SNTG2: variants seen among roughly 807,000 people sequenced by gnomAD.
The protein encoded by SNTG2 is gamma-2-syntrophin.
A neutral mutation model predicts 70.9 loss-of-function variants in SNTG2; 74 were observed. The observed-to-expected ratio is 1.04, with a 90% CI of 0.86 to 1.27. SNTG2 has a LOEUF of 1.27. Among genes scored for constraint, SNTG2 ranks in the 50% most tolerant of loss-of-function variants. The pLI, the probability that SNTG2 is intolerant of heterozygous loss-of-function variation, is 0.00. For synonymous variants in SNTG2, 278 were observed against 273.8 expected (o/e 1.02, Z -0.15); for missense variants, 717 against 690.7 (o/e 1.04, Z -0.43).
At chr2:1,155,647 G>A (rs889340153) in intron 6 of SNTG2, among the ~76,000 whole-genome samples, 1 of 152,180 alleles carries the variant, frequency 6.6e-6, no homozygotes, top group Non-Finnish European at 1.5e-5. Context: ...GAGAGAGACG[G>A]CCACCTGCAA....
chr2:1,112,923 G>A (rs1017520153), intron 4 of SNTG2, among the ~76,000 whole-genome samples: 1 of 151,578 alleles, frequency 6.6e-6, no homozygotes, highest in Admixed American at 6.6e-5. Flanking sequence ...GGAGGATCAT[G>A]TATACTAAGT....
At position 1,299,643 on chromosome 2, in the gene SNTG2, C is replaced by T. The variant is rs182091706; in HGVS notation, c.1285-8851C>T. ...GGGGCTAAGACTCCAGCATGACTTT[C>T]GGAGGGACACAAGTCATCCCTGTGA... On this transcript the variant is annotated intron_variant, in intron 14 of 16. Transcript: ENST00000308624. 4.6e-5 allele frequency among the ~76,000 whole-genome samples: 7 copies of T among 152,314 alleles called. No individual in the cohort carries two copies. In the East Asian group the frequency reaches 1.4e-3, roughly 29 times the overall value.
At chr2:971,543 C>T (rs987782599) in intron 1 of SNTG2, among the ~76,000 whole-genome samples, 1 of 151,352 alleles carries the variant, frequency 6.6e-6, no homozygotes, top group Non-Finnish European at 1.5e-5. Flanking sequence ...GATCTTTTCT[C>T]TTTTTTTAAA....
In SNTG2 at chr2:1,043,544, T is replaced by A. The variant is rs190605278; in HGVS notation, c.73-39974T>A. Reference sequence around the variant, plus strand: ...AAGTTTCTTCTAGGATTTTTATAGTTTTTTTTACATTTAAGTCTTTAATCC... The same window carrying A: ...AAGTTTCTTCTAGGATTTTTATAGTATTTTTTACATTTAAGTCTTTAATCC... On this transcript the variant is annotated intron_variant, in intron 1 of 16. Transcript: ENST00000308624. Among the ~76,000 whole-genome samples, 7 of 150,834 alleles carry A rather than the reference T, an allele frequency of 4.6e-5. No homozygotes were observed. The East Asian group carries it at 5.8e-4, about 12-fold the overall frequency.
intron 6 of SNTG2, among the ~76,000 whole-genome samples, chr2:1,138,274 A>G (rs1310296065): frequency 6.6e-6 from 1 of 152,216 alleles, no homozygotes; most frequent in African/African-American, 2.4e-5. Flanking sequence ...GGAGGACACC[A>G]GGTGAGACCT....
In SNTG2 at chr2:1,137,770, T is replaced by G. The variant is rs1668491490; in HGVS notation, c.372T>G (p.Val124=). 3.9e-5 allele frequency: 63 copies of G among 1,613,618 alleles called. No individual in the cohort carries two copies. The highest frequency in any genetic ancestry group is 5.3e-5 in the Non-Finnish European group (62 of 1,179,800). The change falls in exon 6 of 17, where the codon GTT becomes GTG. Residue 124 remains valine (V), a splice_region_variant and synonymous_variant. Transcript: ENST00000308624. ...MLFVGDAVLQ[V]NGIHVENATH... ...TTCTTACTTTGTCATCTGTTCAGGT[T>G]AATGGCATACATGTAGAAAATGCAA...
intron 6 of SNTG2, among the ~76,000 whole-genome samples, chr2:1,162,791 A>G (rs1670414172): frequency 6.6e-6 from 1 of 152,206 alleles, no homozygotes; most frequent in African/African-American, 2.4e-5. Context: ...GGGGGAGGAT[A>G]GAATCAGACA....
chr2:1,263,716 C>T (rs558261829), intron 13 of SNTG2, among the ~76,000 whole-genome samples: 68 of 152,238 alleles, frequency 4.5e-4, no homozygotes, highest in Non-Finnish European at 8.7e-4. Context: ...TATGAAAGCA[C>T]GTAGTGAACT....
At chr2:1,184,387 G>T (rs563550945) in intron 8 of SNTG2, among the ~76,000 whole-genome samples, 1 of 152,006 alleles carries the variant, frequency 6.6e-6, no homozygotes, top group Non-Finnish European at 1.5e-5. Context: ...CAACTAAAAC[G>T]TATAGATTTT....
chr2:1,032,569 GCC>G (rs1457339347), intron 1 of SNTG2, among the ~76,000 whole-genome samples: 1 of 152,178 alleles, frequency 6.6e-6, no homozygotes, highest in Non-Finnish European at 1.5e-5. Context: ...TATCCTTTAT[GCC>G]CAAGATGTCT....
At chr2:1,134,261 G>C (rs950440119) in intron 4 of SNTG2, among the ~76,000 whole-genome samples, 1 of 152,146 alleles carries the variant, frequency 6.6e-6, no homozygotes, top group African/African-American at 2.4e-5. Context: ...ACCCCAGCGG[G>C]TTGCCACTGG....
chr2:1,223,322 A>G (rs1230460641), intron 9 of SNTG2, among the ~76,000 whole-genome samples: 1 of 151,650 alleles, frequency 6.6e-6, no homozygotes, highest in Non-Finnish European at 1.5e-5. Flanking sequence ...ATCGCTGTAG[A>G]GGAAGGCGGC....
chr2:1,116,646 A>G (rs377265174), intron 4 of SNTG2, among the ~76,000 whole-genome samples: 86 of 104,120 alleles, frequency 8.3e-4, no homozygotes, highest in African/African-American at 2.7e-3. Context: ...GCTCCAGTGT[A>G]TGAGTGCCCT....
chr2:991,920 G>A (rs973399293), intron 1 of SNTG2, among the ~76,000 whole-genome samples: 11 of 152,132 alleles, frequency 7.2e-5, no homozygotes, highest in Admixed American at 2.6e-4. Flanking sequence ...GGCAGGGAGC[G>A]CTTGTAAGTG....
intron 14 of SNTG2, among the ~76,000 whole-genome samples, chr2:1,297,760 A>C (rs1167372738): frequency 6.6e-6 from 1 of 152,230 alleles, no homozygotes; most frequent in East Asian, 1.9e-4. Flanking sequence ...ATGGAAAAGA[A>C]GGTCCAGAAG....
intron 8 of SNTG2, among the ~76,000 whole-genome samples, chr2:1,190,808 T>A (rs1412192266): frequency 6.6e-6 from 1 of 152,066 alleles, no homozygotes; most frequent in Non-Finnish European, 1.5e-5. Flanking sequence ...ATATCATATA[T>A]CTAAATGCTG....
chr2:1,294,213 C>A (rs564519253), intron 14 of SNTG2, among the ~76,000 whole-genome samples: 2 of 152,244 alleles, frequency 1.3e-5, no homozygotes, highest in Non-Finnish European at 2.9e-5. Context: ...TGGGGACAGA[C>A]CCCATCCTTC....
At chr2:1,101,873 AG>A (rs1292643601) in intron 4 of SNTG2, among the ~76,000 whole-genome samples, 1 of 152,240 alleles carries the variant, frequency 6.6e-6, no homozygotes, top group African/African-American at 2.4e-5. Context: ...CTCATTCTCC[AG>A]GGACACCAGA....
At chr2:1,288,110 A>G (rs1209447518) in intron 14 of SNTG2, among the ~76,000 whole-genome samples, 1 of 152,220 alleles carries the variant, frequency 6.6e-6, no homozygotes, top group Admixed American at 6.5e-5. Flanking sequence ...AGTGATTGGT[A>G]TTTATACAGC....
Sources: allele counts gnomAD v4.1 joint callset (sites outside exome capture counted in the v4.1 genomes callset), GRCh38; gene constraint gnomAD v4.1.1; transcripts MANE v1.5; gene names NCBI Gene and HGNC (gene_info 2026-07-23, HGNC 2026-07-21).